Variants in REXO1 observed in about 807,000 individuals in gnomAD.
The protein encoded by REXO1 is RNA exonuclease 1 homolog.
REXO1 carries 42 observed loss-of-function variants against 102.6 expected under a neutral mutation model. The ratio of observed to expected loss-of-function variants is 0.41; its 90% CI spans 0.32 to 0.53. The LOEUF (loss-of-function observed/expected upper bound fraction) is 0.53. Among genes scored for constraint, REXO1 ranks in the 20% least tolerant of loss-of-function variants. REXO1 has a pLI of 0.27. For synonymous variants in REXO1, 908 were observed against 779.1 expected, an observed-to-expected ratio of 1.17 and a Z score of -2.76; for missense variants, 1,819 against 1,732.5, an observed-to-expected ratio of 1.05 and a Z score of -0.89.
At chr19:1,825,458 A>G (rs1456970702) in intron 3 of REXO1, among the ~76,000 whole-genome samples, 3 of 150,056 alleles carry the variant, frequency 2.0e-5, no homozygotes, top group Admixed American at 6.7e-5. Context: ...CTGGGTGACA[A>G]AGCAAGACCC....
At chr19:1,821,284 G>C (rs1034000855) in intron 5 of REXO1, among the ~76,000 whole-genome samples, 2 of 151,570 alleles carry the variant, frequency 1.3e-5, no homozygotes, top group African/African-American at 2.4e-5. Context: ...AGCAGAGCTT[G>C]CAGTGAGCCA....
At chr19:1,833,945 G>A (rs911770973) in intron 1 of REXO1, among the ~76,000 whole-genome samples, 2 of 152,206 alleles carry the variant, frequency 1.3e-5, no homozygotes, top group African/African-American at 2.4e-5. Context: ...CGGGGATGCA[G>A]AGAGGAGGAA....
At chr19:1,820,818 C>T (rs1228427973) in intron 5 of REXO1, among the ~76,000 whole-genome samples, 3 of 151,450 alleles carry the variant, frequency 2.0e-5, no homozygotes, top group Non-Finnish European at 4.4e-5. Flanking sequence ...CGTGGCAAAA[C>T]CCTGTCTCTA....
At chr19:1,834,157 G>A (rs551942589) in intron 1 of REXO1, among the ~76,000 whole-genome samples, 73 of 152,258 alleles carry the variant, frequency 4.8e-4, no homozygotes, top group African/African-American at 1.7e-3. Context: ...CCCAGCCCAG[G>A]GGAGCCAAGA....
At chr19:1,819,835 G>A in intron 7 of REXO1, 99 bp downstream of exon 7, 2 of 1,280,508 alleles carry the variant, frequency 1.6e-6, no homozygotes, top group South Asian at 3.3e-5. Context: ...CTGAGACTGT[G>A]GCTGAGCTCA....
exon 1 of REXO1, chr19:1,848,474 CGAGGCCCCCG>C: frequency 1.3e-6 from 1 of 797,700 alleles, no homozygotes; most frequent in South Asian, 5.7e-5. Context: ...CATCTTGCTC[CGAGGCCCCCG>C]GAGGCCCTCG....
At chr19:1,820,080 C>G (rs1440205841) in intron 6 of REXO1, 23 bp from the exon 7 acceptor site, 1 of 1,595,284 alleles carries the variant, frequency 6.3e-7, no homozygotes, top group South Asian at 1.1e-5. Flanking sequence ...CGGTGCCCAG[C>G]TGAGGCCATG....
intron 4 of REXO1, chr19:1,823,255 C>T (rs2069603076): frequency 2.9e-6 from 1 of 343,962 alleles, no homozygotes; most frequent in Non-Finnish European, 5.2e-6. Context: ...CACCCAATGC[C>T]AGGTACCCCG....
rs553109594 is a variant in REXO1, at chr19:1,835,540, A to G, written c.158-6909T>C. ...TCCAACCTGGGCGACAGAGCTATAC[A>G]TGCATACACACATACATACATACAT... On this transcript the variant is annotated intron_variant, in intron 1 of 15. Transcript: ENST00000170168. 2.0e-5 allele frequency among the ~76,000 whole-genome samples: 3 copies of G among 152,248 alleles called. No individual in the cohort carries two copies. In the South Asian group the frequency reaches 6.2e-4, roughly 32 times the overall value.
At chr19:1,846,844 G>A (rs116174835) in intron 1 of REXO1, among the ~76,000 whole-genome samples, 2,058 of 152,250 alleles carry the variant, frequency 0.014, 50 homozygotes, top group African/African-American at 0.047. Flanking sequence ...AAAGAGCTGT[G>A]ATCGCACCAC....
intron 1 of REXO1, 57 bp from the exon 2 acceptor site, chr19:1,828,688 T>TG: frequency 6.6e-7 from 1 of 1,521,954 alleles, no homozygotes; most frequent in South Asian, 1.2e-5. Flanking sequence ...GCCCGCAGCA[T>TG]GGGGGCGGCC....
chr19:1,838,136 A>G (rs997441541), intron 1 of REXO1, among the ~76,000 whole-genome samples: 1 of 152,122 alleles, frequency 6.6e-6, no homozygotes, highest in Middle Eastern at 3.2e-3. Context: ...CCTGGCCAAC[A>G]TGGGGAAACC....
chr19:1,832,972 G>A (rs1283276808), intron 1 of REXO1, among the ~76,000 whole-genome samples: 4 of 150,608 alleles, frequency 2.7e-5, no homozygotes, highest in Admixed American at 2.0e-4. Flanking sequence ...GCTCACGCCT[G>A]TAATCCCAGC....
In REXO1 at chr19:1,815,746, GGGA is replaced by G; in HGVS notation, c.*317_*319del. The G allele has an allele frequency of 7.1e-7, 1 of 1,416,462 alleles. No homozygotes were observed. Among genetic ancestry groups the G allele is most frequent in the Non-Finnish European group, 9.2e-7 (1 of 1,081,364 alleles). 87.7% of individuals were successfully genotyped at this position (1,416,462 alleles called of 1,614,324 possible). A position where few individuals can be genotyped will look rare whatever the true frequency, so the allele number is the denominator to read the frequency against. ...GGAGCAGAGGTGCCGGCCACCACCC[GGGA>G]GGGAGGGCCTGGCAGGAGGGGCAGG... is the stretch of plus-strand genomic sequence containing the variant. On this transcript the variant is annotated 3_prime_UTR_variant, in exon 16 of 16. Transcript: ENST00000170168. This position sits in a 1 kb window ranked among gnomAD's most constrained non-coding sequence, Gnocchi z 4.0.
At chr19:1,817,472 G>T in intron 11 of REXO1, 143 bp from the exon 12 acceptor site, 1 of 1,476,638 alleles carries the variant, frequency 6.8e-7, no homozygotes. Flanking sequence ...GTGAGCAGGT[G>T]GGGAAGGGGG....
At position 1,818,552 on chromosome 19, in the gene REXO1, C is replaced by T. The variant is rs2069438642; in HGVS notation, c.2946G>A (p.Val982=). The change falls in exon 10 of 16, where the codon GTG becomes GTA. Residue 982 remains valine (V), a synonymous_variant. Transcript: ENST00000170168. ...TCCRCGTEYL[V]SSSGRCIRDE... ...CCCGGATGCAGCGGCCTGAAGAGGA[C>T]ACGAGGTACTCGGTGCCACAGCGGC... 3.1e-6 allele frequency: 5 copies of T among 1,612,018 alleles called. No homozygotes were observed. The highest frequency in any genetic ancestry group is 1.3e-5 in the African/African-American group (1 of 74,912).
Position 1,834,712 on chromosome 19 carries a change from T to C in REXO1, c.158-6081A>G, listed in dbSNP as rs567330169. Among the ~76,000 whole-genome samples, 194 of 152,332 alleles carry C rather than the reference T, an allele frequency of 1.3e-3. 1 individual carries two copies. Among genetic ancestry groups the C allele is most frequent in the African/African-American group, 4.0e-3 (166 of 41,578 alleles). ...CTTGTCTTTTAAGGGCTGTGAAACC[T>C]GCCCCAGCCTTTAGCCAACAGATGG... On this transcript the variant is annotated intron_variant, in intron 1 of 15. Transcript: ENST00000170168.
rs1390447279 is a variant in REXO1, at chr19:1,826,010, C to G, written c.1912-67G>C. On this transcript the variant is annotated intron_variant, in intron 2 of 15. Transcript: ENST00000170168. This position sits in a 1 kb window ranked among gnomAD's most constrained non-coding sequence, Gnocchi z 4.3. ...TGCCAACACCAACACACCCCAACCT[C>G]AAACTGCCCCCGGCAAGTGGGGAAT... 4 of 1,171,488 alleles carry G rather than the reference C, an allele frequency of 3.4e-6. No individual in the cohort carries two copies. Among genetic ancestry groups the G allele is most frequent in the Non-Finnish European group, 5.1e-6 (4 of 782,790 alleles). 72.6% of individuals were successfully genotyped at this position (1,171,488 alleles called of 1,614,324 possible). A position where few individuals can be genotyped will look rare whatever the true frequency, so the allele number is the denominator to read the frequency against.
intron 1 of REXO1, among the ~76,000 whole-genome samples, chr19:1,829,579 C>T (rs890752327): frequency 3.3e-5 from 5 of 152,144 alleles, no homozygotes; most frequent in Admixed American, 6.5e-5. Flanking sequence ...GAGGCCAAGG[C>T]GGGCGGATCA....
Sources: allele counts gnomAD v4.1 joint callset (sites outside exome capture counted in the v4.1 genomes callset), GRCh38; gene constraint gnomAD v4.1.1; non-coding constraint Gnocchi (gnomAD v3.1); transcripts MANE v1.5; gene names NCBI Gene and HGNC (gene_info 2026-07-23, HGNC 2026-07-21).